Variants in CDK8 observed in about 807,000 individuals in gnomAD.
CDK8 encodes the protein cyclin dependent kinase 8, also known as cyclin-dependent kinase 8.
CDK8 carries 29 observed loss-of-function variants against 71.5 expected under a neutral mutation model. The observed-to-expected ratio is 0.41, with a 90% CI of 0.30 to 0.55. CDK8 has a LOEUF of 0.55. CDK8 is among the 20% of genes least tolerant of loss of function. The pLI, the probability that CDK8 is intolerant of heterozygous loss-of-function variation, is 0.37. For synonymous variants in CDK8, 161 were observed against 192.1 expected, an observed-to-expected ratio of 0.84 and a Z score of 1.34; for missense variants, 288 against 572.6, an observed-to-expected ratio of 0.50 and a Z score of 5.07.
intron 1 of CDK8, among the ~76,000 whole-genome samples, chr13:26,298,147 A>G (rs1276166911): frequency 1.3e-5 from 2 of 152,156 alleles, no homozygotes; most frequent in Non-Finnish European, 2.9e-5. Context: ...TTAATTTTGC[A>G]GGGATACAAA....
At chr13:26,299,684 G>A (rs986692133) in intron 1 of CDK8, among the ~76,000 whole-genome samples, 1 of 152,192 alleles carries the variant, frequency 6.6e-6, no homozygotes. Context: ...CATCAAAGTC[G>A]GCCTCATATT....
intron 2 of CDK8, among the ~76,000 whole-genome samples, chr13:26,343,375 G>A (rs1025593358): frequency 5.9e-5 from 9 of 152,098 alleles, no homozygotes; most frequent in African/African-American, 2.2e-4. Flanking sequence ...TGGTAAATAT[G>A]TGGAATAAAC....
chr13:26,347,724 A>G (rs1325284614), intron 2 of CDK8, among the ~76,000 whole-genome samples: 1 of 152,188 alleles, frequency 6.6e-6, no homozygotes, highest in East Asian at 1.9e-4. Flanking sequence ...GCAAACCAAA[A>G]CCATAGTGAG....
At chr13:26,393,535 T>C in intron 7 of CDK8, 25 bp downstream of exon 7, 1 of 1,610,024 alleles carries the variant, frequency 6.2e-7, no homozygotes, top group Non-Finnish European at 8.5e-7. Context: ...TTTTTGTTTT[T>C]GTTTTTAAAT....
intron 1 of CDK8, among the ~76,000 whole-genome samples, chr13:26,261,312 T>A (rs1378022993): frequency 6.6e-6 from 1 of 152,212 alleles, no homozygotes; most frequent in Non-Finnish European, 1.5e-5. Flanking sequence ...AATTGAGATA[T>A]AAGTCACATA....
intron 4 of CDK8, among the ~76,000 whole-genome samples, chr13:26,382,354 C>T (rs796250648): frequency 5.3e-5 from 8 of 152,192 alleles, no homozygotes; most frequent in South Asian, 2.1e-4. Context: ...CTCAATAATT[C>T]GTTTATTTAA....
intron 1 of CDK8, among the ~76,000 whole-genome samples, chr13:26,276,929 C>G (rs1386162286): frequency 1.3e-5 from 2 of 152,182 alleles, no homozygotes; most frequent in Non-Finnish European, 2.9e-5. Context: ...TTGAGTCCAT[C>G]CACATTCTCA....
chr13:26,366,220 T>C (rs767383639), intron 4 of CDK8, among the ~76,000 whole-genome samples: 1 of 152,120 alleles, frequency 6.6e-6, no homozygotes, highest in African/African-American at 2.4e-5. Context: ...ATCTCTTTAC[T>C]GGATACAAGC....
At chr13:26,266,513 T>G (rs1386207457) in intron 1 of CDK8, among the ~76,000 whole-genome samples, 9 of 152,056 alleles carry the variant, frequency 5.9e-5, no homozygotes, top group Non-Finnish European at 1.3e-4. Flanking sequence ...ACTAGGACCT[T>G]GTAGGTAGAA....
intron 1 of CDK8, among the ~76,000 whole-genome samples, chr13:26,304,212 C>T (rs1345407395): frequency 6.6e-6 from 1 of 150,906 alleles, no homozygotes; most frequent in Non-Finnish European, 1.5e-5. Flanking sequence ...TGCAGTGAGC[C>T]GAGATTGCGC....
chr13:26,361,784 C>CTTTTTTTTTTTTTTTTTTTTT (rs553508554), intron 4 of CDK8, among the ~76,000 whole-genome samples: 3 of 63,346 alleles, frequency 4.7e-5, no homozygotes, highest in African/African-American at 2.1e-4. Context: ...TTTCTTTTCC[C>CTTTTTTTTTTTTTTTTTTTTT]TTTTTTTTTT....
rs9581606 is a variant in CDK8, at chr13:26,269,269, G to A, written c.128+14500G>A. On this transcript the variant is annotated intron_variant, in intron 1 of 12. Coordinates refer to ENST00000381527, the MANE Select transcript of CDK8 (RefSeq NM_001260.3). The stretch of plus-strand genomic sequence containing the variant: ...ATGACTGCTTAATAGACTTTGGAAA[G>A]TACTCCTTATAGATAGGAAGCTGAA... 6.7e-3 allele frequency among the ~76,000 whole-genome samples: 1,027 copies of A among 152,322 alleles called. 7 individuals are homozygous for A. Among genetic ancestry groups the A allele is most frequent in the Middle Eastern group, 0.024 (7 of 294 alleles).
intron 1 of CDK8, among the ~76,000 whole-genome samples, chr13:26,329,331 G>A (rs1875179291): frequency 6.6e-6 from 1 of 151,230 alleles, no homozygotes; most frequent in African/African-American, 2.4e-5. Context: ...TCTTATTTTT[G>A]GTTTTCTTAC....
intron 1 of CDK8, among the ~76,000 whole-genome samples, chr13:26,314,442 A>G (rs1874422022): frequency 6.6e-6 from 1 of 152,232 alleles, no homozygotes; most frequent in Admixed American, 6.5e-5. Context: ...ATTTTGGAAA[A>G]TTAGGTTACT....
At chr13:26,367,632 C>A (rs1034193336) in intron 4 of CDK8, among the ~76,000 whole-genome samples, 3 of 152,052 alleles carry the variant, frequency 2.0e-5, no homozygotes, top group Non-Finnish European at 4.4e-5. Context: ...TTCAAGTTGC[C>A]CTGTGAATAT....
chr13:26,380,158 AC>A (rs755815705), intron 4 of CDK8, among the ~76,000 whole-genome samples: 2 of 152,036 alleles, frequency 1.3e-5, no homozygotes, highest in Non-Finnish European at 2.9e-5. Flanking sequence ...GTGGGGGAGG[AC>A]CAATCAAAGT....
At chr13:26,266,448 A>G (rs1314191083) in intron 1 of CDK8, among the ~76,000 whole-genome samples, 3 of 152,152 alleles carry the variant, frequency 2.0e-5, no homozygotes, top group Non-Finnish European at 4.4e-5. Context: ...CATATTGTAT[A>G]ACAGGAACCG....
At chr13:26,265,642 A>G (rs150532528) in intron 1 of CDK8, among the ~76,000 whole-genome samples, 47 of 152,304 alleles carry the variant, frequency 3.1e-4, no homozygotes, top group African/African-American at 1.0e-3. Context: ...GGGGGAAGCT[A>G]TCCTTTGCAG....
At chr13:26,275,349 T>G (rs1872521820) in intron 1 of CDK8, among the ~76,000 whole-genome samples, 1 of 152,212 alleles carries the variant, frequency 6.6e-6, no homozygotes, top group Non-Finnish European at 1.5e-5. Flanking sequence ...AATGTATAGA[T>G]AGATGAATTA....
Sources: allele counts gnomAD v4.1 joint callset (sites outside exome capture counted in the v4.1 genomes callset), GRCh38; gene constraint gnomAD v4.1.1; transcripts MANE v1.5; gene names NCBI Gene and HGNC (gene_info 2026-07-23, HGNC 2026-07-21).